The following CLEC16A variants were observed in gnomAD, a reference collection of about 807,000 sequenced individuals.
The protein encoded by CLEC16A is C-type lectin domain containing 16A.
CLEC16A carries 51 observed loss-of-function variants against 109.5 expected under a neutral mutation model. That is an observed-to-expected ratio of 0.47 (90% CI 0.37 to 0.59). CLEC16A has a LOEUF of 0.59. Among genes scored for constraint, CLEC16A ranks in the 20% least tolerant of loss-of-function variants. The pLI is 0.00. For missense variants in CLEC16A, 1,339 were observed against 1,394.0 expected (o/e 0.96, Z 0.63); for synonymous variants, 673 against 564.2 (o/e 1.19, Z -2.73).
chr16:10,963,094 C>T (rs1478585352), intron 3 of CLEC16A, among the ~76,000 whole-genome samples: 1 of 152,070 alleles, frequency 6.6e-6, no homozygotes, highest in Non-Finnish European at 1.5e-5. Flanking sequence ...ATCAAGTTGC[C>T]AGCAGGGTTG....
chr16:10,973,220 G>A (rs1329660867), intron 7 of CLEC16A, among the ~76,000 whole-genome samples, 159 bp downstream of exon 7: 8 of 152,294 alleles, frequency 5.3e-5, no homozygotes, highest in African/African-American at 1.9e-4. Context: ...TCACCTATTT[G>A]TAATAATGAA....
intron 18 of CLEC16A, among the ~76,000 whole-genome samples, chr16:11,060,689 G>A (rs1009347175): frequency 5.9e-5 from 9 of 151,720 alleles, no homozygotes; most frequent in Non-Finnish European, 1.2e-4. Flanking sequence ...CTGAACCTGT[G>A]AATAACTGAA....
chr16:10,974,055 C>T (rs1234018036), intron 7 of CLEC16A, among the ~76,000 whole-genome samples: 3 of 151,658 alleles, frequency 2.0e-5, no homozygotes, highest in South Asian at 2.1e-4. Context: ...TGCACCACCA[C>T]GCCTGGCTAA....
chr16:11,012,674 T>C (rs890366237), intron 11 of CLEC16A, among the ~76,000 whole-genome samples: 2 of 151,590 alleles, frequency 1.3e-5, no homozygotes, highest in African/African-American at 4.9e-5. Flanking sequence ...TTTGGTGAAT[T>C]AATGAATGAA....
intron 19 of CLEC16A, among the ~76,000 whole-genome samples, chr16:11,085,604 A>G (rs902816936): frequency 2.0e-5 from 3 of 152,242 alleles, no homozygotes; most frequent in African/African-American, 7.2e-5. Flanking sequence ...AGTGCTTGGT[A>G]GTTGTTATTG....
chr16:11,101,229 G>A (rs185796190), intron 19 of CLEC16A, among the ~76,000 whole-genome samples: 1 of 152,178 alleles, frequency 6.6e-6, no homozygotes, highest in Admixed American at 6.5e-5. Flanking sequence ...TTCTCGCAGT[G>A]ATCTTCCTAG....
chr16:11,035,464 G>T (rs1057435766), intron 13 of CLEC16A, among the ~76,000 whole-genome samples: 2 of 152,200 alleles, frequency 1.3e-5, no homozygotes, highest in Admixed American at 6.5e-5. Flanking sequence ...GAAGGTGGAG[G>T]GAAAGAGCGT....
At chr16:11,176,697 C>G (rs556202620) in intron 23 of CLEC16A, among the ~76,000 whole-genome samples, 1 of 152,212 alleles carries the variant, frequency 6.6e-6, no homozygotes, top group East Asian at 1.9e-4. Flanking sequence ...ATGATCATGC[C>G]ACTGCACTCC....
At chr16:11,060,396 T>C (rs190905404) in intron 18 of CLEC16A, among the ~76,000 whole-genome samples, 85 of 152,364 alleles carry the variant, frequency 5.6e-4, no homozygotes, top group Non-Finnish European at 8.5e-4. Context: ...CACCCTCTTC[T>C]GTCTGCCCCA....
At chr16:11,029,680 A>G (rs965131964) in intron 13 of CLEC16A, among the ~76,000 whole-genome samples, 1 of 152,226 alleles carries the variant, frequency 6.6e-6, no homozygotes, top group African/African-American at 2.4e-5. Context: ...CTGAATTAGT[A>G]GGATAAATTC....
In CLEC16A at chr16:10,977,236, G is replaced by A. The variant is rs1448218739; in HGVS notation, c.740G>A (p.Arg247Gln). ...ATTTCTCCTGGCAGGCATCGGAATCGGGGTAAACTGAGTGATCTGGTGGCA... is the reference window on the plus strand; with the variant it reads ...ATTTCTCCTGGCAGGCATCGGAATCAGGGTAAACTGAGTGATCTGGTGGCA... Reference protein sequence around the residue: ...CVQTDEEHRNRGKLSDLVAEH... With the variant: ...CVQTDEEHRNQGKLSDLVAEH... The change falls in exon 8 of 24, where the codon CGG becomes CAG. Residue 247 changes from arginine (R) to glutamine (Q), a missense_variant. Physicochemically the swap from Arg to Gln is conservative, Grantham distance 43. This residue lies in a region of CLEC16A where 161 missense variants were observed against 267.1 expected (regional missense o/e 0.60). Transcript: ENST00000409790. 1.9e-6 allele frequency: 3 copies of A among 1,613,726 alleles called. No individual in the cohort carries two copies. Among genetic ancestry groups the A allele is most frequent in the Non-Finnish European group, 2.5e-6 (3 of 1,179,794 alleles).
chr16:10,959,141 C>T lies in CLEC16A; in HGVS notation c.209+1231C>T, dbSNP rs113588209. Among the ~76,000 whole-genome samples the T allele has an allele frequency of 1.7e-3, 251 of 151,496 alleles. 3 individuals carry two copies. Among genetic ancestry groups the T allele is most frequent in the African/African-American group, 5.6e-3 (232 of 41,198 alleles). ...TTAACCTGGTTTCTTATTAGATATC[C>T]GAATAAGAAGGATATTACCTTTTCA... On this transcript the variant is annotated intron_variant, in intron 2 of 23. Transcript: ENST00000409790.
In CLEC16A at chr16:11,178,365, C is replaced by G. The variant is rs1292311882; in HGVS notation, c.2837C>G (p.Pro946Arg). 7 of 1,613,370 alleles carry G rather than the reference C, an allele frequency of 4.3e-6. No individual in the cohort carries two copies. The East Asian group carries it at 1.6e-4, about 36-fold the overall frequency. Residue 946 changes from proline to arginine, a missense_variant, in exon 24 of 24, where the codon CCT becomes CGT. Physicochemically the swap from Pro to Arg is moderately radical, Grantham distance 103. Coordinates refer to ENST00000409790, the MANE Select transcript of CLEC16A (RefSeq NM_015226.3). The surrounding 1 kb of genome is among the most constrained non-coding windows in gnomAD (Gnocchi z 6.5). ...DAPMSPELPK[P>R]HLPDQLVIVN... ...CCCATGAGTCCAGAACTGCCTAAGC[C>G]TCACCTTCCTGACCAGTTGGTAATC...
chr16:11,166,687 A>G (rs557426084), intron 23 of CLEC16A, 135 bp downstream of exon 23: 13 of 909,298 alleles, frequency 1.4e-5, no homozygotes, highest in Non-Finnish European at 2.0e-5. Context: ...TGATCTGCAC[A>G]TGAAGCCTCT....
In CLEC16A at chr16:10,978,480, C is replaced by T. The variant is rs142525760; in HGVS notation, c.904-849C>T. ...AGAAACGGGGTTTCACCATGTTGGC[C>T]GGGCTGGTCTCAAACTCCTGATCTC... is the stretch of plus-strand genomic sequence containing the variant. On this transcript the variant is annotated intron_variant, in intron 8 of 23. Transcript: ENST00000409790. Among the ~76,000 whole-genome samples, 1,457 of 152,258 alleles carry T rather than the reference C, an allele frequency of 9.6e-3. 15 individuals are homozygous for T. The highest frequency in any genetic ancestry group is 0.041 in the Middle Eastern group (12 of 294).
At chr16:11,156,596 G>A in intron 22 of CLEC16A, 1 of 1,304,274 alleles carries the variant, frequency 7.7e-7, no homozygotes, top group South Asian at 1.2e-5. Context: ...CCGCAGTAGA[G>A]AGGCAGCCCA....
At chr16:11,140,661 G>T (rs945708426) in intron 22 of CLEC16A, among the ~76,000 whole-genome samples, 2 of 152,144 alleles carry the variant, frequency 1.3e-5, no homozygotes, top group African/African-American at 4.8e-5. Context: ...CACCTGAAAG[G>T]CTTGCTCAAG....
chr16:11,110,665 T>G (rs151337298), intron 19 of CLEC16A, among the ~76,000 whole-genome samples: 1 of 152,272 alleles, frequency 6.6e-6, no homozygotes, highest in Non-Finnish European at 1.5e-5. Context: ...GGACCACTTC[T>G]GACAATGACC....
intron 22 of CLEC16A, among the ~76,000 whole-genome samples, chr16:11,145,562 G>A (rs1341487397): frequency 6.6e-6 from 1 of 152,250 alleles, no homozygotes; most frequent in Non-Finnish European, 1.5e-5. Context: ...CAGGCTTTTA[G>A]GGCCATATGG....
Sources: gnomAD v4.1 joint callset for allele counts (sites outside exome capture counted in the v4.1 genomes callset) on GRCh38, gnomAD v4.1.1 for gene constraint, gnomAD v4.1.1 regional missense constraint, Gnocchi (gnomAD v3.1) non-coding constraint, MANE v1.5 for transcripts, NCBI Gene and HGNC (gene_info 2026-07-23, HGNC 2026-07-21) for gene names.